The following CD300C variants were observed in gnomAD, a reference collection of about 807,000 sequenced individuals.
CD300C encodes CD300c molecule, also known as CMRF35-like molecule 6.
In CD300C, 11 loss-of-function variants were observed where a neutral mutation model predicts 18.4. The ratio of observed to expected loss-of-function variants is 0.60; its 90% CI spans 0.38 to 0.99. CD300C has a LOEUF of 0.99. CD300C is among the 50% of genes least tolerant of loss of function. The pLI, the probability that CD300C is intolerant of heterozygous loss-of-function variation, is 0.01. For missense variants in CD300C, 277 were observed against 287.4 expected, an observed-to-expected ratio of 0.96 and a Z score of 0.26; for synonymous variants, 116 against 116.3, an observed-to-expected ratio of 1.00 and a Z score of 0.02.
Position 74,542,904 on chromosome 17 carries a change from TGGGCCAGGTGTGCAC to T in CD300C, c.469_483del (p.Val157_Pro161del). ...TCGGGGCTGTCCTTTCTGGTCACGC[TGGGCCAGGTGTGCAC>T]GGGCAGCTTCGTGGGAGGACCTGAG... On this transcript the variant is annotated inframe_deletion, in exon 3 of 4. Transcript: ENST00000330793. 1 of 1,611,752 alleles carries T rather than the reference TGGGCCAGGTGTGCAC, an allele frequency of 6.2e-7. No homozygotes were observed. Among genetic ancestry groups the T allele is most frequent in the South Asian group, 1.1e-5 (1 of 91,052 alleles).
At chr17:74,545,019 C>T in intron 1 of CD300C, 72 bp from the exon 2 acceptor site, 3 of 1,383,510 alleles carry the variant, frequency 2.2e-6, no homozygotes, top group South Asian at 2.7e-5. Context: ...GTGTCAGCCC[C>T]TCATGGACCC....
At chr17:74,537,628 C>CAA (rs11380108), downstream of CD300C, among the ~76,000 whole-genome samples, 917 of 132,424 alleles carry the variant, frequency 6.9e-3, 5 homozygotes, top group African/African-American at 0.012. Flanking sequence ...GACTCCATCT[C>CAA]AAAAAAAAAA....
At chr17:74,543,432 A>T (rs895839320) in intron 2 of CD300C, among the ~76,000 whole-genome samples, 2 of 152,226 alleles carry the variant, frequency 1.3e-5, no homozygotes, top group Non-Finnish European at 2.9e-5. Context: ...ACCCGAGTCC[A>T]CTCAGCCCCA....
downstream of CD300C, among the ~76,000 whole-genome samples, chr17:74,538,195 T>C (rs1235102753): frequency 1.3e-5 from 2 of 152,162 alleles, no homozygotes; most frequent in Non-Finnish European, 2.9e-5. Context: ...GCCATTCCCA[T>C]ATGTAAGAGG....
In CD300C at chr17:74,542,935, A is replaced by G. The variant is rs770355474; in HGVS notation, c.453T>C (p.Pro151=). The G allele has an allele frequency of 1.1e-5, 17 of 1,613,276 alleles. No individual in the cohort carries two copies. The East Asian group carries it at 3.6e-4, about 34-fold the overall frequency. The change falls in exon 3 of 4, where the codon CCT becomes CCC. Residue 151 remains proline (P), a synonymous_variant. Coordinates refer to ENST00000330793, the MANE Select transcript of CD300C (RefSeq NM_006678.5). ...SPQSSMGTSG[P]PTKLPVHTWP... ...AGGTGTGCACGGGCAGCTTCGTGGG[A>G]GGACCTGAGGTGCCCATGGAGCTCT...
Position 74,544,829 on chromosome 17 carries a change from T to C in CD300C, c.180A>G (p.Pro60=). ...CAATCTTGTCACATCGGAGAATCTG[T>C]GGTGGTCTGCACCAGAATTTGTTGA... ...RTLNKFWCRP[P]QILRCDKIVE... Residue 60 remains proline (P), a synonymous_variant, in exon 2 of 4, where the codon CCA becomes CCG. Transcript: ENST00000330793. 1 of 1,614,260 alleles carries C rather than the reference T, an allele frequency of 6.2e-7. No individual in the cohort carries two copies. The highest frequency in any genetic ancestry group is 8.5e-7 in the Non-Finnish European group (1 of 1,180,044).
chr17:74,542,042 C>T (rs1343857855), intron 3 of CD300C, among the ~76,000 whole-genome samples: 2 of 152,144 alleles, frequency 1.3e-5, no homozygotes, highest in African/African-American at 4.8e-5. Context: ...GGAGGGTTAC[C>T]CAGCTGGGGT....
downstream of CD300C, among the ~76,000 whole-genome samples, chr17:74,540,388 T>C (rs1908506294): frequency 6.6e-6 from 1 of 152,248 alleles, no homozygotes; most frequent in Admixed American, 6.5e-5. Flanking sequence ...ATTCATGTAT[T>C]TTTGCATTTG....
In CD300C at chr17:74,542,930, G is replaced by C; in HGVS notation, c.458C>G (p.Thr153Arg). 1 of 1,613,138 alleles carries C rather than the reference G, an allele frequency of 6.2e-7. No individual in the cohort carries two copies. The highest frequency in any genetic ancestry group is 8.5e-7 in the Non-Finnish European group (1 of 1,180,008). Residue 153 changes from threonine (T) to arginine (R), a missense_variant, in exon 3 of 4, where the codon ACG becomes AGG. By Grantham distance (71) the Thr-to-Arg change is moderately conservative. Transcript: ENST00000330793. ...GGGCCAGGTGTGCACGGGCAGCTTC[G>C]TGGGAGGACCTGAGGTGCCCATGGA... ...QSSMGTSGPPTKLPVHTWPSV... is the reference protein window; with the variant it reads ...QSSMGTSGPPRKLPVHTWPSV...
At chr17:74,539,076 G>C (rs1406125030), downstream of CD300C, among the ~76,000 whole-genome samples, 1 of 152,168 alleles carries the variant, frequency 6.6e-6, no homozygotes, top group Non-Finnish European at 1.5e-5. Flanking sequence ...GTCTGTCCCG[G>C]AGGGCATCAC....
In CD300C at chr17:74,541,736, G is replaced by T; in HGVS notation, c.528C>A (p.Gly176=). 6.2e-7 allele frequency: 1 copy of T among 1,612,812 alleles called. No individual in the cohort carries two copies. Among genetic ancestry groups the T allele is most frequent in the South Asian group, 1.1e-5 (1 of 90,962 alleles). ...KDSPEPSPHP[G]SLFSNVRFLL... ...GGAAGCGGACATTGCTGAACAGGGAGCTGTGGGGACACGGTGACAGGCAGT... is the reference window on the plus strand; with the variant it reads ...GGAAGCGGACATTGCTGAACAGGGATCTGTGGGGACACGGTGACAGGCAGT... Residue 176 remains glycine, a splice_region_variant and synonymous_variant, in exon 4 of 4, where the codon GGC becomes GGA. Coordinates refer to ENST00000330793, the MANE Select transcript of CD300C (RefSeq NM_006678.5).
downstream of CD300C, among the ~76,000 whole-genome samples, chr17:74,540,306 C>T (rs1219310259): frequency 6.6e-6 from 1 of 152,230 alleles, no homozygotes; most frequent in Non-Finnish European, 1.5e-5. Context: ...TCCTGCAAAG[C>T]AGTCACCCCA....
At chr17:74,535,596 A>C in the CD300C span, among the ~76,000 whole-genome samples, 1 of 152,172 alleles carries the variant, frequency 6.6e-6, no homozygotes, top group Non-Finnish European at 1.5e-5. Context: ...ACATTTTAAA[A>C]GCTCATAAAT....
chr17:74,538,736 G>A (rs11654726), downstream of CD300C, among the ~76,000 whole-genome samples: 68,292 of 152,134 alleles, frequency 0.45, 17,223 homozygotes, highest in Middle Eastern at 0.68. Flanking sequence ...GATATCTGTC[G>A]AATGCCTGCT....
chr17:74,541,839 A>G (rs1908562120), intron 3 of CD300C, 103 bp from the exon 4 acceptor site: 1 of 1,297,094 alleles, frequency 7.7e-7, no homozygotes, highest in East Asian at 2.5e-5. Context: ...GACCACAGCC[A>G]ACCACATAAG....
At chr17:74,537,724 A>G (rs969309322), downstream of CD300C, among the ~76,000 whole-genome samples, 6 of 152,208 alleles carry the variant, frequency 3.9e-5, no homozygotes, top group African/African-American at 1.4e-4. Flanking sequence ...AACAAAGCTA[A>G]ACAACATACC....
chr17:74,543,043 C>G, intron 2 of CD300C, 56 bp from the exon 3 acceptor site: 1 of 1,603,312 alleles, frequency 6.2e-7, no homozygotes, highest in Non-Finnish European at 8.5e-7. Context: ...CCCACTTACT[C>G]TCACCTGTTC....
Position 74,545,820 on chromosome 17 carries a change from C to A in CD300C, c.-38G>T, listed in dbSNP as rs1410849509. On this transcript the variant is annotated 5_prime_UTR_variant, in exon 1 of 4. Transcript: ENST00000330793. ...AATGTCACCTGCCACTGTGCAAGAC[C>A]CCAGGAGGGGACAAAATGTAATCTC... The A allele has an allele frequency of 3.2e-6, 5 of 1,563,994 alleles. No individual in the cohort carries two copies. In the Admixed American group the frequency reaches 8.7e-5, roughly 27 times the overall value.
At position 74,545,709 on chromosome 17, in the gene CD300C, T is replaced by C. The variant is rs758430135; in HGVS notation, c.61+13A>G. 6.2e-6 allele frequency: 10 copies of C among 1,600,986 alleles called. No homozygotes were observed. In the South Asian group the frequency reaches 1.1e-4, roughly 18 times the overall value. ...AGGACAGAGCTCCCCAAGTCCAGGGTCGGCCCACTCACCTGGGACAAGCAG... is the reference window on the plus strand; with the variant it reads ...AGGACAGAGCTCCCCAAGTCCAGGGCCGGCCCACTCACCTGGGACAAGCAG... On this transcript the variant is annotated intron_variant, in intron 1 of 3. Transcript: ENST00000330793.
Sources: gnomAD v4.1 joint callset for allele counts (sites outside exome capture counted in the v4.1 genomes callset) on GRCh38, gnomAD v4.1.1 for gene constraint, MANE v1.5 for transcripts, NCBI Gene and HGNC (gene_info 2026-07-23, HGNC 2026-07-21) for gene names.